Variants in PRKACB observed in about 807,000 individuals in gnomAD.
The protein encoded by PRKACB is protein kinase cAMP-activated catalytic subunit beta.
A neutral mutation model predicts 51.4 loss-of-function variants in PRKACB; 16 were observed. The observed-to-expected ratio is 0.31, with a 90% CI of 0.21 to 0.47. The LOEUF (loss-of-function observed/expected upper bound fraction) is 0.47, where lower values mean the gene tolerates loss of function less well. PRKACB is among the 20% of genes least tolerant of loss of function. The probability of loss-of-function intolerance (pLI) is 1.00; values close to 1 mark genes in which losing one functional copy is unlikely to be tolerated. For synonymous variants in PRKACB, 147 were observed against 154.4 expected (o/e 0.95, Z 0.35); for missense variants, 309 against 464.5 (o/e 0.67, Z 3.08).
At chr1:84,234,774 C>T (rs1343546169) in intron 9 of PRKACB, among the ~76,000 whole-genome samples, 8 of 152,196 alleles carry the variant, frequency 5.3e-5, no homozygotes, top group Admixed American at 1.3e-4. Context: ...TGCTTCGGCT[C>T]GCACACGGTG....
rs768056300 is a variant in PRKACB, at chr1:84,184,062, A to G, written c.404A>G (p.His135Arg). 2 of 1,600,100 alleles carry G rather than the reference A, an allele frequency of 1.2e-6. No homozygotes were observed. The highest frequency in any genetic ancestry group is 1.7e-6 in the Non-Finnish European group (2 of 1,172,954). ...GTTGTTAAACTGAAGCAAATAGAGC[A>G]TACTTTGAATGAGAAAAGAATATTA... ...QKVVKLKQIE[H>R]TLNEKRILQA... is the part of the protein sequence containing the mutation. The change falls in exon 4 of 10, where the codon CAT becomes CGT. Residue 135 changes from histidine to arginine, a missense_variant. Around this residue, in one of 3 missense-constraint regions of PRKACB, gnomAD observed 153 missense variants for 190.2 expected, o/e 0.80. Coordinates refer to ENST00000370685, the MANE Select transcript of PRKACB (RefSeq NM_182948.4).
chr1:84,156,207 G>T (rs577161836), intron 1 of PRKACB, among the ~76,000 whole-genome samples: 8 of 152,094 alleles, frequency 5.3e-5, no homozygotes, highest in African/African-American at 1.9e-4. Context: ...TGTTGCCCGG[G>T]CTGTTCTTGA....
intron 1 of PRKACB, among the ~76,000 whole-genome samples, chr1:84,129,707 G>C (rs1651984633): frequency 6.6e-6 from 1 of 152,144 alleles, no homozygotes; most frequent in Admixed American, 6.5e-5. Context: ...TCCTCCCACT[G>C]ATTATGCCTA....
intron 9 of PRKACB, among the ~76,000 whole-genome samples, chr1:84,232,870 T>C (rs1021581866): frequency 6.6e-6 from 1 of 152,224 alleles, no homozygotes; most frequent in Non-Finnish European, 1.5e-5. Context: ...TTATCCAATT[T>C]GCCAAGTCTG....
At chr1:84,185,243 T>A in intron 5 of PRKACB, 61 bp downstream of exon 5, 2 of 1,243,418 alleles carry the variant, frequency 1.6e-6, no homozygotes, top group Non-Finnish European at 2.2e-6. Context: ...ACCAGATTTT[T>A]AAGTTGATGC....
chr1:84,126,727 C>T (rs1651650772), intron 1 of PRKACB, among the ~76,000 whole-genome samples: 1 of 152,172 alleles, frequency 6.6e-6, no homozygotes, highest in African/African-American at 2.4e-5. Context: ...CCTCACCCTT[C>T]CCCAGCTTAA....
chr1:84,096,557 G>C (rs1344763464), intron 1 of PRKACB, among the ~76,000 whole-genome samples: 1 of 152,084 alleles, frequency 6.6e-6, no homozygotes, highest in African/African-American at 2.4e-5. Flanking sequence ...AAGCTGTAAA[G>C]AATCTTGATC....
intron 1 of PRKACB, among the ~76,000 whole-genome samples, chr1:84,117,224 G>A (rs1650705882): frequency 1.3e-5 from 2 of 151,982 alleles, no homozygotes; most frequent in South Asian, 4.1e-4. Flanking sequence ...TTTTGTTGAG[G>A]ATTTTTGTGT....
chr1:84,119,559 A>T (rs898098763), intron 1 of PRKACB, among the ~76,000 whole-genome samples: 14 of 152,068 alleles, frequency 9.2e-5, no homozygotes, highest in Non-Finnish European at 1.8e-4. Context: ...AAAAAGAGAG[A>T]TCTAAAAATC....
chr1:84,090,332 T>G (rs929921015), intron 1 of PRKACB, among the ~76,000 whole-genome samples: 6 of 152,208 alleles, frequency 3.9e-5, no homozygotes, highest in African/African-American at 1.4e-4. Context: ...AACTTGACCA[T>G]CTTATTCTGT....
intron 1 of PRKACB, among the ~76,000 whole-genome samples, chr1:84,084,315 T>G (rs1647795454): frequency 6.6e-6 from 1 of 152,082 alleles, no homozygotes; most frequent in Non-Finnish European, 1.5e-5. Context: ...AATGTGGGGT[T>G]GGTGATAGGA....
intron 1 of PRKACB, among the ~76,000 whole-genome samples, chr1:84,150,664 G>T (rs1654746582): frequency 6.6e-6 from 1 of 152,064 alleles, no homozygotes; most frequent in South Asian, 2.1e-4. Context: ...CCTGTGACAT[G>T]CCTGCTCCCT....
At chr1:84,179,599 TCA>T (rs1662520306) in intron 2 of PRKACB, among the ~76,000 whole-genome samples, 1 of 151,952 alleles carries the variant, frequency 6.6e-6, no homozygotes, top group Non-Finnish European at 1.5e-5. Context: ...TTTAAAATTC[TCA>T]GTCATAGAGA....
intron 7 of PRKACB, among the ~76,000 whole-genome samples, chr1:84,198,307 C>T (rs1036321665): frequency 1.3e-5 from 2 of 152,132 alleles, no homozygotes; most frequent in African/African-American, 4.8e-5. Flanking sequence ...GAAGGCAGCT[C>T]TGCTTTTCTA....
At chr1:84,090,754 T>C (rs1262860234) in intron 1 of PRKACB, among the ~76,000 whole-genome samples, 4 of 152,134 alleles carry the variant, frequency 2.6e-5, no homozygotes, top group Non-Finnish European at 4.4e-5. Context: ...AGTCAAGCAG[T>C]GTCACTTCAG....
chr1:84,134,091 TCTTC>T (rs1353239965), intron 1 of PRKACB, among the ~76,000 whole-genome samples: 3 of 152,150 alleles, frequency 2.0e-5, no homozygotes, highest in Non-Finnish European at 4.4e-5. Context: ...CTGGCTAGAC[TCTTC>T]TCCAAAGTCC....
At chr1:84,198,941 A>G (rs1042188324) in intron 7 of PRKACB, among the ~76,000 whole-genome samples, 5 of 147,166 alleles carry the variant, frequency 3.4e-5, no homozygotes, top group African/African-American at 7.6e-5. Context: ...GTATATGTGT[A>G]TATATACATA....
At chr1:84,164,729 G>T in intron 1 of PRKACB, 1 of 1,371,148 alleles carries the variant, frequency 7.3e-7, no homozygotes, top group East Asian at 2.6e-5. Flanking sequence ...TATGAAGGAG[G>T]CTGGGATAAC....
intron 5 of PRKACB, among the ~76,000 whole-genome samples, chr1:84,194,774 T>C (rs1047768813): frequency 7.3e-5 from 11 of 151,692 alleles, no homozygotes; most frequent in African/African-American, 2.7e-4. Context: ...CACACACACA[T>C]ACAAATACAA....
Sources: allele counts gnomAD v4.1 joint callset (sites outside exome capture counted in the v4.1 genomes callset), GRCh38; gene constraint gnomAD v4.1.1; regional missense constraint gnomAD v4.1.1; transcripts MANE v1.5; gene names NCBI Gene and HGNC (gene_info 2026-07-23, HGNC 2026-07-21).